Variants in GRIN2B observed in about 807,000 individuals in gnomAD.
GRIN2B encodes glutamate receptor ionotropic, NMDA 2B.
GRIN2B carries 5 observed loss-of-function variants against 114.5 expected under a neutral mutation model. The observed-to-expected ratio is 0.04, with a 90% CI of 0.02 to 0.09. The LOEUF (loss-of-function observed/expected upper bound fraction) is 0.09. Among genes scored for constraint, GRIN2B ranks in the 10% least tolerant of loss-of-function variants. The pLI, the probability that GRIN2B is intolerant of heterozygous loss-of-function variation, is 1.00. For synonymous variants in GRIN2B, 787 were observed against 745.1 expected (o/e 1.06, Z -0.92); for missense variants, 1,108 against 1,943.5 (o/e 0.57, Z 8.08).
At chr12:13,801,181 C>T (rs1030204879) in intron 3 of GRIN2B, among the ~76,000 whole-genome samples, 8 of 152,098 alleles carry the variant, frequency 5.3e-5, no homozygotes, top group Non-Finnish European at 8.8e-5. Flanking sequence ...AAATTAAGTT[C>T]TATATAACGA....
intron 3 of GRIN2B, among the ~76,000 whole-genome samples, chr12:13,839,036 A>T (rs1359860725): frequency 6.6e-6 from 1 of 152,076 alleles, no homozygotes; most frequent in Non-Finnish European, 1.5e-5. Flanking sequence ...ATATTCACCC[A>T]TTCACTCTGC....
rs191974209 is a variant in GRIN2B, at chr12:13,615,281, G to A, written c.1501-14C>T. 60 of 1,613,286 alleles carry A rather than the reference G, an allele frequency of 3.7e-5. No homozygotes were observed. The highest frequency in any genetic ancestry group is 1.2e-4 in the African/African-American group (9 of 75,034). ...CTTCATGACCACCTAAAAGAAAGGC[G>A]CGATGCTCCAATTAAAACATTCAGG... On this transcript the variant is annotated splice_polypyrimidine_tract_variant and intron_variant, in intron 7 of 13. Coordinates refer to ENST00000609686, the MANE Select transcript of GRIN2B (RefSeq NM_000834.5). The surrounding 1 kb of genome is among the most constrained non-coding windows in gnomAD (Gnocchi z 5.8).
chr12:13,869,869 G>A (rs932438677), intron 2 of GRIN2B, among the ~76,000 whole-genome samples: 19 of 152,112 alleles, frequency 1.2e-4, no homozygotes, highest in Admixed American at 2.0e-4. Flanking sequence ...TGCTATCATC[G>A]GTGAAACCAG....
At chr12:13,956,564 G>C (rs1178923757) in intron 2 of GRIN2B, among the ~76,000 whole-genome samples, 1 of 152,056 alleles carries the variant, frequency 6.6e-6, no homozygotes, top group Non-Finnish European at 1.5e-5. Flanking sequence ...TCTCCAAGTC[G>C]TTTCCTCCAA....
chr12:13,875,084 C>A (rs370039419), intron 2 of GRIN2B, among the ~76,000 whole-genome samples: 8 of 152,106 alleles, frequency 5.3e-5, no homozygotes, highest in East Asian at 1.9e-4. Flanking sequence ...TCCCTCCCCA[C>A]CCCACAGGCC....
chr12:13,919,273 G>T (rs1486549171), intron 2 of GRIN2B, among the ~76,000 whole-genome samples: 1 of 152,080 alleles, frequency 6.6e-6, no homozygotes, highest in Admixed American at 6.6e-5. Context: ...ATACTTTATG[G>T]TTCTAGGAGT....
rs1215624163 is a variant in GRIN2B, at chr12:13,547,065, A to C, written c.*15718T>G. 1 of 152,190 alleles carries C rather than the reference A, an allele frequency of 6.6e-6. No homozygotes were observed. The highest frequency in any genetic ancestry group is 1.5e-5 in the Non-Finnish European group (1 of 68,036). The allele number at this position is 152,190 out of a possible 1,614,324, so 9.4% of individuals were successfully genotyped here. ...AAAAAATGATGAGAAAACCATGAAA[A>C]ATTACTGTCAAGGGTTTCTTTTAAC... On this transcript the variant is annotated 3_prime_UTR_variant, in exon 14 of 14. Coordinates refer to ENST00000609686, the MANE Select transcript of GRIN2B (RefSeq NM_000834.5).
At chr12:13,881,210 TCTG>T (rs1250133210) in intron 2 of GRIN2B, among the ~76,000 whole-genome samples, 1 of 152,242 alleles carries the variant, frequency 6.6e-6, no homozygotes, top group African/African-American at 2.4e-5. Context: ...CCGCTTTTTT[TCTG>T]CTGTTCTAAT....
chr12:13,660,435 T>C (rs987216855), intron 5 of GRIN2B, among the ~76,000 whole-genome samples: 1 of 152,206 alleles, frequency 6.6e-6, no homozygotes, highest in Non-Finnish European at 1.5e-5. Flanking sequence ...AGAAGAGCCC[T>C]TCAGTTTAGG....
intron 10 of GRIN2B, among the ~76,000 whole-genome samples, chr12:13,589,472 G>A (rs892652890): frequency 3.3e-5 from 5 of 152,230 alleles, no homozygotes; most frequent in Non-Finnish European, 7.3e-5. Context: ...AAGGACTCCT[G>A]AGATAGACTA....
chr12:13,681,403 G>A (rs565753857), intron 4 of GRIN2B, among the ~76,000 whole-genome samples: 173 of 152,112 alleles, frequency 1.1e-3, no homozygotes, highest in African/African-American at 3.4e-3. Context: ...AAAAAGTGGC[G>A]GTTTTTCATA....
intron 3 of GRIN2B, among the ~76,000 whole-genome samples, chr12:13,758,910 T>C (rs938482288): frequency 2.0e-5 from 3 of 152,140 alleles, no homozygotes; most frequent in African/African-American, 7.2e-5. Flanking sequence ...GAAACATTTT[T>C]CTAGTGTTCA....
intron 10 of GRIN2B, among the ~76,000 whole-genome samples, chr12:13,598,721 A>G (rs900442969): frequency 2.6e-5 from 4 of 151,376 alleles, no homozygotes; most frequent in Non-Finnish European, 5.9e-5. Flanking sequence ...CACAGGTGGG[A>G]GCTTTTGGCA....
chr12:13,672,648 G>T (rs1050609032), intron 5 of GRIN2B, among the ~76,000 whole-genome samples: 5 of 152,154 alleles, frequency 3.3e-5, no homozygotes, highest in Admixed American at 3.3e-4. Context: ...ATGGCTCTAT[G>T]ACCTCAATGA....
rs12300019 is a variant in GRIN2B at position 13,599,130 on chromosome 12, C to T, written c.2010+9473G>A. On this transcript the variant is annotated intron_variant, in intron 10 of 13. Transcript: ENST00000609686. ...GGAGTAAAATAGGAGAGGAAACATC[C>T]GAGACTATAGTGTTTTCAGAGTGTC... Among the ~76,000 whole-genome samples the T allele has an allele frequency of 5.9e-3, 902 of 152,252 alleles. 8 individuals carry two copies. Among genetic ancestry groups the T allele is most frequent in the African/African-American group, 0.021 (857 of 41,540 alleles).
At chr12:13,824,009 CT>C (rs1224429883) in intron 3 of GRIN2B, among the ~76,000 whole-genome samples, 3 of 152,014 alleles carry the variant, frequency 2.0e-5, no homozygotes. Flanking sequence ...ATGTATTATC[CT>C]TTTTATATCT....
intron 2 of GRIN2B, among the ~76,000 whole-genome samples, chr12:13,953,088 T>A (rs1592669): frequency 1.3e-5 from 2 of 151,884 alleles, no homozygotes; most frequent in East Asian, 2.0e-4. Flanking sequence ...CATCTGAAAC[T>A]TCTCAACTTA....
At chr12:13,677,127 A>G (rs1950082258) in intron 4 of GRIN2B, among the ~76,000 whole-genome samples, 1 of 152,158 alleles carries the variant, frequency 6.6e-6, no homozygotes, top group African/African-American at 2.4e-5. Context: ...ATAATGGCCC[A>G]AGGAATCAAT....
intron 3 of GRIN2B, among the ~76,000 whole-genome samples, chr12:13,783,445 T>TTGTTTTGTTTTGTTTTGTTTTGTTG (rs1864159231): frequency 6.6e-6 from 1 of 152,140 alleles, no homozygotes; most frequent in Non-Finnish European, 1.5e-5. Context: ...TTGTTTTGTT[T>TTGTTTTGTTTTGTTTTGTTTTGTTG]TGTTTTGTTT....
Sources: allele counts gnomAD v4.1 joint callset (sites outside exome capture counted in the v4.1 genomes callset), GRCh38; gene constraint gnomAD v4.1.1; non-coding constraint Gnocchi (gnomAD v3.1); transcripts MANE v1.5; gene names NCBI Gene and HGNC (gene_info 2026-07-23, HGNC 2026-07-21).